Variants in NTNG1 observed in about 807,000 individuals in gnomAD.
NTNG1 encodes netrin-G1.
NTNG1 carries 16 observed loss-of-function variants against 54.0 expected under a neutral mutation model. That is an observed-to-expected ratio of 0.30 (90% confidence interval 0.20 to 0.45). The LOEUF (loss-of-function observed/expected upper bound fraction) is 0.45, where lower values mean the gene tolerates loss of function less well. Among genes scored for constraint, NTNG1 ranks in the 20% least tolerant of loss-of-function variants. The probability of loss-of-function intolerance (pLI) is 1.00; values close to 1 mark genes in which losing one functional copy is unlikely to be tolerated. For synonymous variants in NTNG1, 255 were observed against 263.1 expected (o/e 0.97, Z 0.30); for missense variants, 530 against 678.7 (o/e 0.78, Z 2.43).
intron 2 of NTNG1, among the ~76,000 whole-genome samples, chr1:107,192,143 C>T (rs1170284775): frequency 1.3e-5 from 2 of 152,138 alleles, no homozygotes. Context: ...AGGTCCTTGA[C>T]ATCCCTTGTA....
intron 2 of NTNG1, among the ~76,000 whole-genome samples, chr1:107,254,935 A>G (rs1418987759): frequency 6.6e-6 from 1 of 152,220 alleles, no homozygotes; most frequent in Non-Finnish European, 1.5e-5. Context: ...GAAGAGAAAG[A>G]CTAAAGAATC....
At chr1:107,143,769 A>T (rs1653911884) in intron 1 of NTNG1, among the ~76,000 whole-genome samples, 1 of 152,106 alleles carries the variant, frequency 6.6e-6, no homozygotes, top group African/African-American at 2.4e-5. Context: ...TGAGAATTAA[A>T]TATTTGTTTT....
In NTNG1 at chr1:107,483,667, G is replaced by A. The variant is rs565690059; in HGVS notation, c.*2827G>A. Among the ~76,000 whole-genome samples, 37 of 149,490 alleles carry A rather than the reference G, an allele frequency of 2.5e-4. No homozygotes were observed. Among genetic ancestry groups the A allele is most frequent in the South Asian group, 1.3e-3 (6 of 4,656 alleles). On this transcript the variant is annotated 3_prime_UTR_variant, in exon 8 of 8. Transcript: ENST00000370068. ...GGTACTCAGTTGTTCATATATTTGA[G>A]GTCCTAATTCTTGGTATTTTTTCCC...
At chr1:107,393,752 A>T (rs1220873301) in intron 3 of NTNG1, among the ~76,000 whole-genome samples, 6 of 151,946 alleles carry the variant, frequency 3.9e-5, no homozygotes, top group Admixed American at 1.3e-4. Context: ...CCTTGCCGTA[A>T]GTATGGGTCA....
chr1:107,411,823 C>T (rs1443889729), intron 5 of NTNG1, among the ~76,000 whole-genome samples: 1 of 152,138 alleles, frequency 6.6e-6, no homozygotes, highest in East Asian at 1.9e-4. Context: ...CCAGTATCCT[C>T]ATCACAGAAC....
At chr1:107,225,987 A>G (rs1660649571) in intron 2 of NTNG1, among the ~76,000 whole-genome samples, 1 of 152,142 alleles carries the variant, frequency 6.6e-6, no homozygotes, top group East Asian at 1.9e-4. Flanking sequence ...CTCTTTTGCA[A>G]ACCTCACATT....
intron 2 of NTNG1, among the ~76,000 whole-genome samples, chr1:107,239,472 A>C (rs150610411): frequency 6.6e-6 from 1 of 152,230 alleles, no homozygotes; most frequent in Non-Finnish European, 1.5e-5. Context: ...GATTAAGCCT[A>C]CTGGACATTC....
intron 3 of NTNG1, among the ~76,000 whole-genome samples, chr1:107,361,217 A>G (rs1423099876): frequency 7.0e-6 from 1 of 143,244 alleles, no homozygotes; most frequent in Admixed American, 7.2e-5. Context: ...ATATATATAA[A>G]TTATATATAA....
At position 107,352,707 on chromosome 1, in the gene NTNG1, G is replaced by A. The variant is rs371984789; in HGVS notation, c.887+27785G>A. Among the ~76,000 whole-genome samples the A allele has an allele frequency of 4.9e-4, 74 of 152,050 alleles. 1 individual carries two copies. The South Asian group carries it at 0.015, about 31-fold the overall frequency. ...AGCTTCAAAATAAGCTTTAAGGTGTGGATCAGCTTAAAGGCGGGCAGCTCA... is the reference window on the plus strand; with the variant it reads ...AGCTTCAAAATAAGCTTTAAGGTGTAGATCAGCTTAAAGGCGGGCAGCTCA... On this transcript the variant is annotated intron_variant, in intron 3 of 7. Coordinates refer to ENST00000370068, the MANE Select transcript of NTNG1 (RefSeq NM_001113226.3).
At chr1:107,240,634 C>T (rs1334666704) in intron 2 of NTNG1, among the ~76,000 whole-genome samples, 4 of 152,190 alleles carry the variant, frequency 2.6e-5, no homozygotes, top group African/African-American at 7.2e-5. Flanking sequence ...CTCTGAAAAG[C>T]ATTGCATGTA....
At chr1:107,189,659 T>C (rs752350982) in intron 2 of NTNG1, among the ~76,000 whole-genome samples, 20 of 152,194 alleles carry the variant, frequency 1.3e-4, no homozygotes, top group Non-Finnish European at 2.4e-4. Flanking sequence ...CCTAGCTGAA[T>C]GTATAAACCA....
intron 3 of NTNG1, among the ~76,000 whole-genome samples, chr1:107,389,965 T>C (rs945802481): frequency 2.0e-5 from 3 of 152,188 alleles, no homozygotes; most frequent in African/African-American, 7.2e-5. Context: ...CTACACATCG[T>C]GAGGCCGGAG....
intron 2 of NTNG1, among the ~76,000 whole-genome samples, chr1:107,178,378 GCC>G (rs1056487364): frequency 1.3e-5 from 2 of 151,716 alleles, no homozygotes; most frequent in African/African-American, 4.8e-5. Flanking sequence ...GTTTTCATTT[GCC>G]CCGTTTCTTG....
intron 2 of NTNG1, among the ~76,000 whole-genome samples, chr1:107,189,450 C>G (rs1657732333): frequency 6.9e-6 from 1 of 144,914 alleles, no homozygotes; most frequent in Non-Finnish European, 1.5e-5. Context: ...AAATAAACAA[C>G]CAGTGGTCTT....
chr1:107,352,737 G>A (rs1428056076), intron 3 of NTNG1, among the ~76,000 whole-genome samples: 2 of 152,124 alleles, frequency 1.3e-5, no homozygotes, highest in South Asian at 2.1e-4. Context: ...AGCTCACGAG[G>A]TCAGGAGTTC....
intron 3 of NTNG1, among the ~76,000 whole-genome samples, chr1:107,352,234 C>T (rs1221116002): frequency 1.3e-5 from 2 of 152,220 alleles, no homozygotes; most frequent in South Asian, 2.1e-4. Flanking sequence ...CCAATGGGGA[C>T]TCTGTGTGTG....
chr1:107,216,577 A>G (rs1302814872), intron 2 of NTNG1, among the ~76,000 whole-genome samples: 6 of 151,938 alleles, frequency 3.9e-5, no homozygotes, highest in African/African-American at 1.2e-4. Flanking sequence ...TTTTACATTT[A>G]GGTTCACCAG....
At chr1:107,361,391 ATTTT>A (rs1177736263) in intron 3 of NTNG1, among the ~76,000 whole-genome samples, 1 of 87,998 alleles carries the variant, frequency 1.1e-5, no homozygotes, top group African/African-American at 3.9e-5. Context: ...ATATATATAT[ATTTT>A]TTTTTTTTTT....
intron 2 of NTNG1, among the ~76,000 whole-genome samples, chr1:107,246,430 T>A (rs1431851252): frequency 1.3e-5 from 2 of 151,624 alleles, no homozygotes; most frequent in African/African-American, 4.8e-5. Context: ...AAAAATGTCC[T>A]TGTGGGAAAG....
Sources: allele counts gnomAD v4.1 joint callset (sites outside exome capture counted in the v4.1 genomes callset), GRCh38; gene constraint gnomAD v4.1.1; transcripts MANE v1.5; gene names NCBI Gene and HGNC (gene_info 2026-07-23, HGNC 2026-07-21).